CNKSR3: variants seen among roughly 807,000 people sequenced by gnomAD.
The protein encoded by CNKSR3 is connector enhancer of kinase suppressor of ras 3.
CNKSR3 carries 36 observed loss-of-function variants against 67.7 expected under a neutral mutation model. The observed-to-expected ratio is 0.53, with a 90% CI of 0.41 to 0.70. CNKSR3 has a LOEUF of 0.70. CNKSR3 is among the 30% of genes least tolerant of loss of function. The pLI is 0.00. For missense variants in CNKSR3, 630 were observed against 695.2 expected, an observed-to-expected ratio of 0.91 and a Z score of 1.05; for synonymous variants, 281 against 271.4, an observed-to-expected ratio of 1.04 and a Z score of -0.35.
chr6:154,408,729 C>A (rs1784851671), intron 12 of CNKSR3, among the ~76,000 whole-genome samples: 1 of 152,166 alleles, frequency 6.6e-6, no homozygotes. Context: ...CGTGAATATA[C>A]TAAAACCCAC....
In CNKSR3 at chr6:154,442,161, C is replaced by T. The variant is rs1785607748; in HGVS notation, c.346G>A (p.Ala116Thr). 1 of 1,614,110 alleles carries T rather than the reference C, an allele frequency of 6.2e-7. No homozygotes were observed. The highest frequency in any genetic ancestry group is 2.2e-5 in the East Asian group (1 of 44,886). Residue 116 changes from alanine (A) to threonine (T), a missense_variant, in exon 3 of 13, where the codon GCC (alanine) becomes ACC (threonine). Ala to Thr is a moderately conservative substitution (Grantham distance 58). Around this residue, in one of 3 missense-constraint regions of CNKSR3, gnomAD observed 189 missense variants for 205.0 expected, o/e 0.92. Transcript: ENST00000607772. Reference protein sequence around the residue: ...PAYDGNTSRKAPNEFLTSVVE... With the variant: ...PAYDGNTSRKTPNEFLTSVVE... ...ACCGAGGTCAGGAACTCATTGGGGG[C>T]CTTGCGGGAGGTGTTGCCATCGTAA...
chr6:154,468,578 T>C (rs1409787021), intron 1 of CNKSR3, among the ~76,000 whole-genome samples: 3 of 152,110 alleles, frequency 2.0e-5, no homozygotes, highest in Non-Finnish European at 4.4e-5. Flanking sequence ...TCACCTCCTC[T>C]AAAACATCTG....
chr6:154,458,360 T>TC (rs1203497200), intron 1 of CNKSR3, among the ~76,000 whole-genome samples: 1 of 151,942 alleles, frequency 6.6e-6, no homozygotes, highest in African/African-American at 2.4e-5. Flanking sequence ...TAGAAAATGC[T>TC]CCCCCCTCCC....
chr6:154,399,428 G>A lies in CNKSR3; in HGVS notation c.*6926C>T, dbSNP rs975132086. 6.6e-6 allele frequency: 1 copy of A among 152,114 alleles called. No homozygotes were observed. The highest frequency in any genetic ancestry group is 2.4e-5 in the African/African-American group (1 of 41,412). 9.4% of individuals were successfully genotyped at this position (152,114 alleles called of 1,614,324 possible). A position where few individuals can be genotyped will look rare whatever the true frequency, so the allele number is the denominator to read the frequency against. Reference sequence around the variant, plus strand: ...TCTCATTTAATCACCATAAGCCTTCGAAGTAGATGCTAGTATTATCCCCAT... The same window carrying A: ...TCTCATTTAATCACCATAAGCCTTCAAAGTAGATGCTAGTATTATCCCCAT... On this transcript the variant is annotated 3_prime_UTR_variant, in exon 13 of 13. Transcript: ENST00000607772.
chr6:154,434,648 T>G (rs1197755662), intron 4 of CNKSR3, among the ~76,000 whole-genome samples: 1 of 152,178 alleles, frequency 6.6e-6, no homozygotes, highest in Non-Finnish European at 1.5e-5. Context: ...TAATGACTGC[T>G]CCTAAAATTT....
intron 9 of CNKSR3, 75 bp downstream of exon 9, chr6:154,422,431 T>G: frequency 1.4e-6 from 2 of 1,427,880 alleles, no homozygotes; most frequent in Admixed American, 1.9e-5. Context: ...CCTTCAAATT[T>G]TAATCTCTTT....
chr6:154,430,641 T>A, intron 5 of CNKSR3, 50 bp from the exon 6 acceptor site: 2 of 1,553,664 alleles, frequency 1.3e-6, no homozygotes, highest in Non-Finnish European at 1.7e-6. Flanking sequence ...TTAACCAAGT[T>A]TATCTCAAGC....
At chr6:154,436,740 T>C (rs916253715) in intron 4 of CNKSR3, among the ~76,000 whole-genome samples, 1 of 152,002 alleles carries the variant, frequency 6.6e-6, no homozygotes, top group Non-Finnish European at 1.5e-5. Context: ...TTTCATGGCA[T>C]CCGACATGAG....
At chr6:154,505,807 C>T (rs551053311) in intron 1 of CNKSR3, among the ~76,000 whole-genome samples, 1 of 148,772 alleles carries the variant, frequency 6.7e-6, no homozygotes, top group Admixed American at 6.6e-5. Flanking sequence ...GCCAACTACA[C>T]AATTGTTGAG....
rs1442315118 is a variant in CNKSR3, at chr6:154,510,084, G to T, written c.31C>A (p.Gln11Lys). 6.2e-7 allele frequency: 1 copy of T among 1,614,090 alleles called. No homozygotes were observed. The highest frequency in any genetic ancestry group is 1.7e-5 in the Admixed American group (1 of 60,034). Residue 11 changes from glutamine (Q) to lysine (K), a missense_variant, in exon 1 of 13, where the codon CAA (glutamine) becomes AAA (lysine). Physicochemically the swap from Gln to Lys is moderately conservative, Grantham distance 53. Coordinates refer to ENST00000607772, the MANE Select transcript of CNKSR3 (RefSeq NM_173515.4). MEPVTKWSPK[Q>K]VVDWTRGLDD... is the part of the protein sequence containing the mutation. ...GCACCTCTAGTCCAGTCCACCACTT[G>T]TTTGGGGCTCCACTTGGTCACGGGT... is the stretch of plus-strand genomic sequence containing the variant.
intron 8 of CNKSR3, 120 bp from the exon 9 acceptor site, chr6:154,422,772 G>T: frequency 8.3e-7 from 1 of 1,200,812 alleles, no homozygotes; most frequent in Non-Finnish European, 1.2e-6. Context: ...AAAATAGGCA[G>T]GCGTAAGTAT....
chr6:154,438,226 AT>A (rs571558872), intron 4 of CNKSR3, among the ~76,000 whole-genome samples: 115 of 152,214 alleles, frequency 7.6e-4, no homozygotes, highest in African/African-American at 2.6e-3. Flanking sequence ...TATAAATAAA[AT>A]TTTTTGTTCT....
chr6:154,430,928 T>A (rs1164557756), intron 5 of CNKSR3, among the ~76,000 whole-genome samples: 1 of 151,454 alleles, frequency 6.6e-6, no homozygotes, highest in Admixed American at 6.6e-5. Flanking sequence ...GCTCACAGTC[T>A]CTGAATACCA....
intron 9 of CNKSR3, among the ~76,000 whole-genome samples, chr6:154,422,143 C>A (rs1785158544): frequency 6.6e-6 from 1 of 152,088 alleles, no homozygotes. Context: ...TAGGCGCGCA[C>A]CACCATGCCT....
At chr6:154,492,776 A>C (rs1159590973) in intron 1 of CNKSR3, among the ~76,000 whole-genome samples, 2 of 151,778 alleles carry the variant, frequency 1.3e-5, no homozygotes, top group Admixed American at 6.6e-5. Flanking sequence ...CAAAAAAAAA[A>C]ACAACACAGA....
chr6:154,413,533 T>C (rs1176497341), intron 10 of CNKSR3, among the ~76,000 whole-genome samples: 1 of 151,922 alleles, frequency 6.6e-6, no homozygotes, highest in African/African-American at 2.4e-5. Context: ...CCTGGCCACA[T>C]AGGTTTTTTT....
intron 1 of CNKSR3, among the ~76,000 whole-genome samples, chr6:154,500,771 T>C (rs563616580): frequency 3.0e-4 from 46 of 152,342 alleles, no homozygotes; most frequent in Admixed American, 2.6e-3. Context: ...AGTTTTCACA[T>C]AGAAAGCTTT....
At chr6:154,420,267 GA>G (rs1268050457) in intron 9 of CNKSR3, among the ~76,000 whole-genome samples, 1 of 151,544 alleles carries the variant, frequency 6.6e-6, no homozygotes, top group Non-Finnish European at 1.5e-5. Flanking sequence ...ACAGAGAGTA[GA>G]ATGGTGGCTG....
chr6:154,406,537 C>T lies in CNKSR3; in HGVS notation c.1485G>A (p.Arg495=). The T allele has an allele frequency of 6.2e-7, 1 of 1,614,198 alleles. No individual in the cohort carries two copies. Among genetic ancestry groups the T allele is most frequent in the Non-Finnish European group, 8.5e-7 (1 of 1,180,024 alleles). ...SRPTTERHLV[R]GADYIRGSRC... is the part of the protein sequence containing the mutation. ...TGCTTCCTCGGATGTAGTCCGCACC[C>T]CGGACCAGATGCCGCTCGGTCGTGG... Residue 495 remains arginine (R), a synonymous_variant, in exon 13 of 13, where the codon CGG becomes CGA. Transcript: ENST00000607772.
Sources: gnomAD v4.1 joint callset for allele counts (sites outside exome capture counted in the v4.1 genomes callset) on GRCh38, gnomAD v4.1.1 for gene constraint, gnomAD v4.1.1 regional missense constraint, MANE v1.5 for transcripts, NCBI Gene and HGNC (gene_info 2026-07-23, HGNC 2026-07-21) for gene names.